The following B4GALNT3 variants were observed in gnomAD, a reference collection of about 807,000 sequenced individuals.
The protein encoded by B4GALNT3 is beta-1,4-N-acetylgalactosaminyltransferase 3.
Under a neutral mutation model 120.2 loss-of-function variants are expected in B4GALNT3, and 86 were observed. That is an observed-to-expected ratio of 0.72 (90% CI 0.60 to 0.86). B4GALNT3 has a LOEUF of 0.86. B4GALNT3 is among the 40% of genes least tolerant of loss of function. The pLI, the probability that B4GALNT3 is intolerant of heterozygous loss-of-function variation, is 0.00. For missense variants in B4GALNT3, 1,167 were observed against 1,298.9 expected (o/e 0.90, Z 1.56); for synonymous variants, 518 against 510.4 (o/e 1.01, Z -0.20).
At chr12:511,669 TCCG>T (rs1422399631) in intron 1 of B4GALNT3, among the ~76,000 whole-genome samples, 1 of 141,406 alleles carries the variant, frequency 7.1e-6, no homozygotes. Context: ...GCTTCCACCT[TCCG>T]CCTTCCGCCT....
chr12:556,447 C>G (rs1186034426), intron 14 of B4GALNT3, 100 bp from the exon 15 acceptor site: 2 of 1,217,332 alleles, frequency 1.6e-6, no homozygotes, highest in South Asian at 1.4e-5. Context: ...GGACAAAAAC[C>G]AGGGTCTCCC....
chr12:500,687 C>G (rs1946430022), intron 1 of B4GALNT3, among the ~76,000 whole-genome samples: 1 of 151,994 alleles, frequency 6.6e-6, no homozygotes, highest in African/African-American at 2.4e-5. Context: ...CGGGACCCAC[C>G]AGGCCTTCAT....
intron 1 of B4GALNT3, among the ~76,000 whole-genome samples, chr12:493,043 A>G (rs1251719006): frequency 2.0e-5 from 3 of 152,230 alleles, no homozygotes; most frequent in Non-Finnish European, 4.4e-5. Flanking sequence ...GTGACTTTAG[A>G]TTTTTAGACA....
At chr12:558,226 C>A in intron 17 of B4GALNT3, 138 bp downstream of exon 17, 2 of 970,318 alleles carry the variant, frequency 2.1e-6, no homozygotes, top group Non-Finnish European at 3.1e-6. Context: ...TGCTGTGCTG[C>A]AGGCCAGTGC....
chr12:471,435 G>A (rs1017839604), intron 1 of B4GALNT3, among the ~76,000 whole-genome samples: 19 of 151,212 alleles, frequency 1.3e-4, no homozygotes, highest in East Asian at 2.0e-4. Flanking sequence ...GGCTGGGCAC[G>A]GTGGCTCATG....
At chr12:487,057 C>T (rs2120492196) in intron 1 of B4GALNT3, among the ~76,000 whole-genome samples, 1 of 152,222 alleles carries the variant, frequency 6.6e-6, no homozygotes, top group South Asian at 2.1e-4. Context: ...AGAATGTCTT[C>T]AATGGACTCA....
At chr12:513,983 C>T (rs911764952) in intron 1 of B4GALNT3, among the ~76,000 whole-genome samples, 37 of 152,150 alleles carry the variant, frequency 2.4e-4, no homozygotes, top group African/African-American at 1.7e-4. Context: ...GCATTGTTTC[C>T]GCTTTTTGGC....
At chr12:476,106 G>T (rs61916615) in intron 1 of B4GALNT3, among the ~76,000 whole-genome samples, 1 of 152,060 alleles carries the variant, frequency 6.6e-6, no homozygotes, top group Admixed American at 6.5e-5. Context: ...TTTGATCCCC[G>T]GCTCTTGTCC....
intron 1 of B4GALNT3, among the ~76,000 whole-genome samples, chr12:523,837 C>T (rs112794256): frequency 0.047 from 7,173 of 152,140 alleles, 201 homozygotes; most frequent in African/African-American, 0.055. Flanking sequence ...CTGAGACAGG[C>T]GGCTCACGAG....
Position 535,201 on chromosome 12 carries a change from G to A in B4GALNT3, c.205G>A (p.Ala69Thr). Residue 69 changes from alanine to threonine, a missense_variant, in exon 2 of 20, where the codon GCC becomes ACC. Ala to Thr is a moderately conservative substitution (Grantham distance 58, BLOSUM62 0). Coordinates refer to ENST00000266383, the MANE Select transcript of B4GALNT3 (RefSeq NM_173593.4). The stretch of plus-strand genomic sequence containing the variant: ...CTGGAGAGAACTGGCCAAGGCTCTG[G>A]CCAGCAGGAACATTCCAGCTGTGGA... ...GSWRELAKALASRNIPAVDPH... is the reference protein window; with the variant it reads ...GSWRELAKALTSRNIPAVDPH... 1.2e-6 allele frequency: 2 copies of A among 1,613,804 alleles called. No homozygotes were observed. The highest frequency in any genetic ancestry group is 1.7e-6 in the Non-Finnish European group (2 of 1,179,936).
Position 548,779 on chromosome 12 carries a change from G to A in B4GALNT3, c.853+482G>A, listed in dbSNP as rs373986613. The stretch of plus-strand genomic sequence containing the variant: ...TAAAAAATTAACTGGGTGTGGTGGC[G>A]CATGCCTGTAGTCACAGCTACTGGG... On this transcript the variant is annotated intron_variant, in intron 9 of 19. Transcript: ENST00000266383. The surrounding 1 kb of genome is among the most constrained non-coding windows in gnomAD (Gnocchi z 4.9). 2.1e-4 allele frequency among the ~76,000 whole-genome samples: 32 copies of A among 152,174 alleles called. No individual in the cohort carries two copies. Among genetic ancestry groups the A allele is most frequent in the African/African-American group, 6.7e-4 (28 of 41,496 alleles).
At position 470,735 on chromosome 12, in the gene B4GALNT3, C is replaced by CTGTTT. The variant is rs148909362; in HGVS notation, c.169+10208_169+10212dup. ...CTACCCCATTTTTTCATTTTAGTGA[C>CTGTTT]TGTTTTGTTTTGTTTTGTTTTGAGA... On this transcript the variant is annotated intron_variant, in intron 1 of 19. Transcript: ENST00000266383. 2.0e-4 allele frequency among the ~76,000 whole-genome samples: 31 copies of CTGTTT among 152,016 alleles called. No individual in the cohort carries two copies. In the South Asian group the frequency reaches 4.6e-3, roughly 22 times the overall value.
At chr12:488,028 T>C (rs1946306832) in intron 1 of B4GALNT3, among the ~76,000 whole-genome samples, 1 of 151,902 alleles carries the variant, frequency 6.6e-6, no homozygotes, top group Admixed American at 6.6e-5. Flanking sequence ...AGATAAGAAT[T>C]AACATCTGAC....
At position 475,662 on chromosome 12, in the gene B4GALNT3, C is replaced by T. The variant is rs143645445; in HGVS notation, c.169+15117C>T. 1.7e-3 allele frequency among the ~76,000 whole-genome samples: 262 copies of T among 152,246 alleles called. 1 individual carries two copies. The highest frequency in any genetic ancestry group is 5.7e-3 in the African/African-American group (238 of 41,528). On this transcript the variant is annotated intron_variant, in intron 1 of 19. Coordinates refer to ENST00000266383, the MANE Select transcript of B4GALNT3 (RefSeq NM_173593.4). ...TTCTCTCTCATCTCTTCCCTGAAGCCTTCCTCAATTATTTTAGAACCAGCT... is the reference window on the plus strand; with the variant it reads ...TTCTCTCTCATCTCTTCCCTGAAGCTTTCCTCAATTATTTTAGAACCAGCT...
At chr12:505,086 G>T (rs1183768604) in intron 1 of B4GALNT3, among the ~76,000 whole-genome samples, 1 of 152,008 alleles carries the variant, frequency 6.6e-6, no homozygotes, top group Non-Finnish European at 1.5e-5. Context: ...TAGAGACAGG[G>T]TTTCACCATA....
Position 562,985 on chromosome 12 carries a change from GT to G in B4GALNT3, c.*1537del, listed in dbSNP as rs1947247866. 6.6e-6 allele frequency: 1 copy of G among 152,286 alleles called. No individual in the cohort carries two copies. The highest frequency in any genetic ancestry group is 2.1e-4 in the South Asian group (1 of 4,826). 9.4% of individuals were successfully genotyped at this position (152,286 alleles called of 1,614,324 possible). A position where few individuals can be genotyped will look rare whatever the true frequency, so the allele number is the denominator to read the frequency against. On this transcript the variant is annotated 3_prime_UTR_variant, in exon 20 of 20. Transcript: ENST00000266383. The surrounding 1 kb of genome is among the most constrained non-coding windows in gnomAD (Gnocchi z 5.2). ...GGCTCTGCATTCCCCGAGAGCACGA[GT>G]TTGGCACATGGGAGAATGGAGCCCG...
At chr12:549,422 G>A (rs940826323) in intron 9 of B4GALNT3, among the ~76,000 whole-genome samples, 1 of 152,192 alleles carries the variant, frequency 6.6e-6, no homozygotes, top group African/African-American at 2.4e-5. Flanking sequence ...CTTAGAGCAG[G>A]GCCTGGCTTA....
intron 3 of B4GALNT3, among the ~76,000 whole-genome samples, chr12:538,034 A>T (rs1946878706): frequency 6.6e-6 from 1 of 152,214 alleles, no homozygotes; most frequent in South Asian, 2.1e-4. Flanking sequence ...ACCTGGAGAT[A>T]GTACTTTGAA....
rs2120392694 is a variant in B4GALNT3, at chr12:460,487, G to T, written c.111G>T (p.Trp37Cys). 1.9e-6 allele frequency: 3 copies of T among 1,586,422 alleles called. No homozygotes were observed. In the East Asian group the frequency reaches 7.0e-5, roughly 37 times the overall value. Residue 37 changes from tryptophan to cysteine, a missense_variant, in exon 1 of 20, where the codon TGG becomes TGT. Physicochemically the swap from Trp to Cys is radical, Grantham distance 215. This residue lies in a region of B4GALNT3 where 171 missense variants were observed against 161.3 expected (regional missense o/e 1.06). Transcript: ENST00000266383. This position sits in a 1 kb window ranked among gnomAD's most constrained non-coding sequence, Gnocchi z 8.0. The stretch of plus-strand genomic sequence containing the variant: ...TCGCCGTGGTGTCTGTGGGGCTCTG[G>T]ACTCTGTATCTGGAACTGGTGGCGT... ...LALAVVSVGL[W>C]TLYLELVASA...
Sources: allele counts gnomAD v4.1 joint callset (sites outside exome capture counted in the v4.1 genomes callset), GRCh38; gene constraint gnomAD v4.1.1; regional missense constraint gnomAD v4.1.1; non-coding constraint Gnocchi (gnomAD v3.1); transcripts MANE v1.5; gene names NCBI Gene and HGNC (gene_info 2026-07-23, HGNC 2026-07-21).